The following CYP17A1 variants were observed in gnomAD, a reference collection of about 807,000 sequenced individuals.
CYP17A1 encodes the protein steroid 17-alpha-hydroxylase/17,20 lyase.
In CYP17A1, 27 loss-of-function variants were observed where a neutral mutation model predicts 38.5. The ratio of observed to expected loss-of-function variants is 0.70; its 90% CI spans 0.52 to 0.97. The LOEUF (loss-of-function observed/expected upper bound fraction) is 0.97, where lower values mean the gene tolerates loss of function less well. Among genes scored for constraint, CYP17A1 ranks in the 50% least tolerant of loss-of-function variants. The pLI is 0.00. For synonymous variants in CYP17A1, 263 were observed against 253.3 expected (o/e 1.04, Z -0.36); for missense variants, 549 against 645.9 (o/e 0.85, Z 1.63).
In CYP17A1 at chr10:102,832,443, G is replaced by T. The variant is rs551597017; in HGVS notation, c.1139+68C>A. ...CCAGCAGGGGCCGGGGGTAGGGGGA[G>T]CCAGGTGGGCTGGCAAGCAGTGTTG... On this transcript the variant is annotated intron_variant, in intron 6 of 7. Transcript: ENST00000369887. 219 of 1,042,318 alleles carry T rather than the reference G, an allele frequency of 2.1e-4. 1 individual carries two copies. Among genetic ancestry groups the T allele is most frequent in the Non-Finnish European group, 2.5e-4 (165 of 661,778 alleles). The allele number at this position is 1,042,318 out of a possible 1,614,324, so 64.6% of individuals were successfully genotyped here. A position where few individuals can be genotyped will look rare whatever the true frequency, so the allele number is the denominator to read the frequency against.
At chr10:102,836,274 T>C (rs549832506) in intron 1 of CYP17A1, among the ~76,000 whole-genome samples, 6 of 151,944 alleles carry the variant, frequency 3.9e-5, no homozygotes, top group South Asian at 2.1e-4. Context: ...CTGGCTAACA[T>C]GGTGAAACAC....
chr10:102,831,012 G>T, intron 7 of CYP17A1, 27 bp from the exon 8 acceptor site: 1 of 1,505,460 alleles, frequency 6.6e-7, no homozygotes, highest in East Asian at 2.4e-5. Flanking sequence ...GCATCAGCCA[G>T]GGGTTAGGGC....
At chr10:102,833,846 C>T (rs1044665595) in intron 4 of CYP17A1, 190 bp downstream of exon 4, 2 of 548,946 alleles carry the variant, frequency 3.6e-6, no homozygotes, top group African/African-American at 3.8e-5. Flanking sequence ...CCCACCTCGG[C>T]CTCCCAAAGT....
rs372791822 is a variant in CYP17A1, at chr10:102,835,401, A to G, written c.298-9T>C. The G allele has an allele frequency of 3.8e-5, 61 of 1,609,836 alleles. No homozygotes were observed. Among genetic ancestry groups the G allele is most frequent in the Admixed American group, 3.0e-4 (18 of 60,000 alleles). The stretch of plus-strand genomic sequence containing the variant: ...GCGATGTCTAGAGTTGCCTTTAGAG[A>G]GCAGGCAAGGCTGTAGGAATCTCAC... On this transcript the variant is annotated splice_polypyrimidine_tract_variant and intron_variant, in intron 1 of 7. Coordinates refer to ENST00000369887, the MANE Select transcript of CYP17A1 (RefSeq NM_000102.4).
Position 102,835,405 on chromosome 10 carries a change from G to A in CYP17A1, c.298-13C>T, listed in dbSNP as rs1844150711. The A allele has an allele frequency of 1.2e-6, 2 of 1,608,714 alleles. No individual in the cohort carries two copies. The highest frequency in any genetic ancestry group is 1.7e-5 in the Admixed American group (1 of 60,004). ...TGTCTAGAGTTGCCTTTAGAGAGCA[G>A]GCAAGGCTGTAGGAATCTCACACCA... On this transcript the variant is annotated splice_polypyrimidine_tract_variant and intron_variant, in intron 1 of 7. Coordinates refer to ENST00000369887, the MANE Select transcript of CYP17A1 (RefSeq NM_000102.4).
At chr10:102,834,421 G>T (rs1844132402) in intron 3 of CYP17A1, 2 of 551,186 alleles carry the variant, frequency 3.6e-6, no homozygotes, top group African/African-American at 3.8e-5. Context: ...ACATGAGCCT[G>T]AAGGCTCAGA....
Position 102,832,636 on chromosome 10 carries a change from G to T in CYP17A1, c.1014C>A (p.Phe338Leu). 1 of 1,608,436 alleles carries T rather than the reference G, an allele frequency of 6.2e-7. No individual in the cohort carries two copies. The highest frequency in any genetic ancestry group is 8.5e-7 in the Non-Finnish European group (1 of 1,174,728). Residue 338 changes from phenylalanine (F) to leucine (L), a missense_variant, in exon 6 of 8, where the codon TTC (phenylalanine) becomes TTA (leucine). By Grantham distance (22) the Phe-to-Leu change is conservative (BLOSUM62 0). Transcript: ENST00000369887. ...GGTCACTGATAGTTGGTGTGCGGCT[G>T]AAACCCACATTCTGGTCAATCTCCT... ...LYEEIDQNVG[F>L]SRTPTISDRN... is the part of the protein sequence containing the mutation.
rs776568154 is a variant in CYP17A1, at chr10:102,837,223, C to T, written c.139G>A (p.Gly47Ser). 13 of 1,610,270 alleles carry T rather than the reference C, an allele frequency of 8.1e-6. No homozygotes were observed. Among genetic ancestry groups the T allele is most frequent in the East Asian group, 6.7e-5 (3 of 44,850 alleles). The change falls in exon 1 of 8, where the codon GGC (glycine) becomes AGC (serine). Residue 47 changes from glycine (G) to serine (S), a missense_variant. Gly to Ser is a moderately conservative substitution (Grantham distance 56, BLOSUM62 0). This residue lies in a region of CYP17A1 where 289 missense variants were observed against 320.9 expected (regional missense o/e 0.90). Transcript: ENST00000369887. ...VGSLPFLPRH[G>S]HMHNNFFKLQ... ...TTGAAGAAGTTGTTATGCATATGGC[C>T]GTGTCTGGGGAGGAATGGCAGGCTG...
At chr10:102,832,927 C>G in intron 5 of CYP17A1, 66 bp downstream of exon 5, 11 of 1,592,344 alleles carry the variant, frequency 6.9e-6, no homozygotes, top group South Asian at 1.1e-5. Flanking sequence ...AGAATTGGCT[C>G]TCCCTTTCTC....
At position 102,830,996 on chromosome 10, in the gene CYP17A1, G is replaced by A; in HGVS notation, c.1244-11C>T. On this transcript the variant is annotated splice_polypyrimidine_tract_variant and intron_variant, in intron 7 of 7. Transcript: ENST00000369887. This position sits in a 1 kb window ranked among gnomAD's most constrained non-coding sequence, Gnocchi z 4.1. ...GATTCAAGAAACGCTCTGCAGGCAA[G>A]GAGTGGCATCAGCCAGGGGTTAGGG... 1.9e-6 allele frequency: 3 copies of A among 1,554,894 alleles called. No individual in the cohort carries two copies. Among genetic ancestry groups the A allele is most frequent in the Middle Eastern group, 1.7e-4 (1 of 5,756 alleles).
rs757701395 is a variant in CYP17A1 at position 102,832,727 on chromosome 10, G to A, written c.970-47C>T. 34 of 1,329,822 alleles carry A rather than the reference G, an allele frequency of 2.6e-5. No individual in the cohort carries two copies. The East Asian group carries it at 6.9e-4, about 27-fold the overall frequency. The allele number at this position is 1,329,822 out of a possible 1,614,324, so 82.4% of individuals were successfully genotyped here. A position where few individuals can be genotyped will look rare whatever the true frequency, so the allele number is the denominator to read the frequency against. On this transcript the variant is annotated intron_variant, in intron 5 of 7. Coordinates refer to ENST00000369887, the MANE Select transcript of CYP17A1 (RefSeq NM_000102.4). ...AGGTGACTAGTGTGTGTAAGCCCAGGAGAAGCAAGGGCTTAGAGAAGAATC... is the reference window on the plus strand; with the variant it reads ...AGGTGACTAGTGTGTGTAAGCCCAGAAGAAGCAAGGGCTTAGAGAAGAATC...
rs1386897523 is a variant in CYP17A1 at position 102,830,837 on chromosome 10, G to A, written c.1392C>T (p.Asp464=). The change falls in exon 8 of 8, where the codon GAC becomes GAT. Residue 464 remains aspartate, a synonymous_variant. Transcript: ENST00000369887. The surrounding 1 kb of genome is among the most constrained non-coding windows in gnomAD (Gnocchi z 4.1). ...LIMAWLLQRF[D]LEVPDDGQLP... Reference sequence around the variant, plus strand: ...GCTGCCCATCATCTGGCACCTCCAGGTCGAACCTCTGCAGCAGCCAGGCCA... The same window carrying A: ...GCTGCCCATCATCTGGCACCTCCAGATCGAACCTCTGCAGCAGCCAGGCCA... 1 of 1,597,516 alleles carries A rather than the reference G, an allele frequency of 6.3e-7. No individual in the cohort carries two copies. Among genetic ancestry groups the A allele is most frequent in the Non-Finnish European group, 8.5e-7 (1 of 1,170,228 alleles).
At chr10:102,835,909 C>T (rs907864318) in intron 1 of CYP17A1, among the ~76,000 whole-genome samples, 2 of 152,180 alleles carry the variant, frequency 1.3e-5, no homozygotes, top group Non-Finnish European at 2.9e-5. Context: ...GCCACAAGCC[C>T]ACATTTGGAG....
rs1005529730 is a variant in CYP17A1 at position 102,830,797 on chromosome 10, C to T, written c.1432G>A (p.Gly478Ser). ...ATCAGAAAGACCACCTTGGGGATGC[C>T]TTCCAGGGAGGGCAGCTGCCCATCA... ...PDDGQLPSLEGIPKVVFLIDS... is the reference protein window; with the variant it reads ...PDDGQLPSLESIPKVVFLIDS... The change falls in exon 8 of 8, where the codon GGC (glycine) becomes AGC (serine). Residue 478 changes from glycine (G) to serine (S), a missense_variant. Gly to Ser is a moderately conservative substitution (Grantham distance 56, BLOSUM62 0). Around this residue, in one of 3 missense-constraint regions of CYP17A1, gnomAD observed 257 missense variants for 307.9 expected, o/e 0.83. Coordinates refer to ENST00000369887, the MANE Select transcript of CYP17A1 (RefSeq NM_000102.4). This position sits in a 1 kb window ranked among gnomAD's most constrained non-coding sequence, Gnocchi z 4.1. 1 of 1,596,680 alleles carries T rather than the reference C, an allele frequency of 6.3e-7. No homozygotes were observed. Among genetic ancestry groups the T allele is most frequent in the Non-Finnish European group, 8.6e-7 (1 of 1,167,374 alleles).
chr10:102,830,847 T>C lies in CYP17A1; in HGVS notation c.1382A>G (p.Gln461Arg). The change falls in exon 8 of 8, where the codon CAG becomes CGG. Residue 461 changes from glutamine (Q) to arginine (R), a missense_variant. Coordinates refer to ENST00000369887, the MANE Select transcript of CYP17A1 (RefSeq NM_000102.4). The surrounding 1 kb of genome is among the most constrained non-coding windows in gnomAD (Gnocchi z 4.1). ...ATCTGGCACCTCCAGGTCGAACCTCTGCAGCAGCCAGGCCATGATGAGGAA... is the reference window on the plus strand; with the variant it reads ...ATCTGGCACCTCCAGGTCGAACCTCCGCAGCAGCCAGGCCATGATGAGGAA... The part of the protein sequence containing the change: ...ELFLIMAWLL[Q>R]RFDLEVPDDG... The C allele has an allele frequency of 3.1e-6, 5 of 1,597,114 alleles. No individual in the cohort carries two copies. The highest frequency in any genetic ancestry group is 4.3e-6 in the Non-Finnish European group (5 of 1,170,174).
In CYP17A1 at chr10:102,831,554, C is replaced by T. The variant is rs1049670604; in HGVS notation, c.1197G>A (p.Leu399=). Residue 399 remains leucine, a synonymous_variant, in exon 7 of 8, where the codon CTG becomes CTA. Transcript: ENST00000369887. ...GGTGCCACTCCTTCTCATTGTGATG[C>T]AGCGCCCACAGATTGATGATAACTT... ...GTEVIINLWA[L]HHNEKEWHQP... is the part of the protein sequence containing the mutation. 2 of 1,613,904 alleles carry T rather than the reference C, an allele frequency of 1.2e-6. No homozygotes were observed. The highest frequency in any genetic ancestry group is 3.3e-5 in the Admixed American group (2 of 59,988).
chr10:102,834,972 T>C lies in CYP17A1; in HGVS notation c.479A>G (p.His160Arg). The C allele has an allele frequency of 6.2e-7, 1 of 1,611,414 alleles. No homozygotes were observed. The highest frequency in any genetic ancestry group is 8.5e-7 in the Non-Finnish European group (1 of 1,178,606). ...GGAGATGTCTATGGACTGTCCGTTG[T>C]GGGTGGCCAGCATATCACACAATGT... ...ISTLCDMLATHNGQSIDISFP... is the reference protein window; with the variant it reads ...ISTLCDMLATRNGQSIDISFP... Residue 160 changes from histidine to arginine, a missense_variant, in exon 3 of 8, where the codon CAC becomes CGC. Around this residue, in one of 3 missense-constraint regions of CYP17A1, gnomAD observed 289 missense variants for 320.9 expected, o/e 0.90. Coordinates refer to ENST00000369887, the MANE Select transcript of CYP17A1 (RefSeq NM_000102.4).
Position 102,835,025 on chromosome 10 carries a change from A to AG in CYP17A1, c.437-12dup. The AG allele has an allele frequency of 1.3e-6, 2 of 1,491,420 alleles. No homozygotes were observed. Among genetic ancestry groups the AG allele is most frequent in the South Asian group, 1.1e-5 (1 of 88,836 alleles). The allele number at this position is 1,491,420 out of a possible 1,614,324, so 92.4% of individuals were successfully genotyped here. ...TGATTTCCTGACAAACTGAAGGGAGAGGGGGCATGAGGGTGGGAAATGAAT... is the reference window on the plus strand; with the variant it reads ...TGATTTCCTGACAAACTGAAGGGAGAGGGGGGCATGAGGGTGGGAAATGAAT... On this transcript the variant is annotated splice_polypyrimidine_tract_variant and intron_variant, in intron 2 of 7. Transcript: ENST00000369887.
rs104894154 is a variant in CYP17A1 at position 102,835,316 on chromosome 10, C to T, written c.374G>A (p.Arg125Gln). The T allele has an allele frequency of 3.8e-5, 62 of 1,612,078 alleles. No homozygotes were observed. The highest frequency in any genetic ancestry group is 4.8e-5 in the Non-Finnish European group (56 of 1,178,208). Residue 125 changes from arginine (R) to glutamine (Q), a missense_variant, in exon 2 of 8, where the codon CGA becomes CAA. Transcript: ENST00000369887. Reference sequence around the variant, plus strand: ...GGCAAAGGTGGCCATCGCCAGCCTTCGATGCAGCTGCCAGTGTGCGCCAGA... The same window carrying T: ...GGCAAAGGTGGCCATCGCCAGCCTTTGATGCAGCTGCCAGTGTGCGCCAGA... ...ADSGAHWQLH[R>Q]RLAMATFALF...
Sources: allele counts gnomAD v4.1 joint callset (sites outside exome capture counted in the v4.1 genomes callset), GRCh38; gene constraint gnomAD v4.1.1; regional missense constraint gnomAD v4.1.1; non-coding constraint Gnocchi (gnomAD v3.1); transcripts MANE v1.5; gene names NCBI Gene and HGNC (gene_info 2026-07-23, HGNC 2026-07-21).